The following BAIAP2L1 variants were observed in gnomAD, a reference collection of about 807,000 sequenced individuals.
BAIAP2L1 encodes BAR/IMD domain containing adaptor protein 2 like 1.
A neutral mutation model predicts 66.3 loss-of-function variants in BAIAP2L1; 35 were observed. The observed-to-expected ratio is 0.53, with a 90% CI of 0.40 to 0.70. The LOEUF is 0.70. Ranked by LOEUF, BAIAP2L1 falls within the 30% of genes least tolerant of loss-of-function variation. The probability of loss-of-function intolerance (pLI) is 0.00; values close to 1 mark genes in which losing one functional copy is unlikely to be tolerated. For missense variants in BAIAP2L1, 622 were observed against 656.9 expected, an observed-to-expected ratio of 0.95 and a Z score of 0.58; for synonymous variants, 269 against 248.7, an observed-to-expected ratio of 1.08 and a Z score of -0.77.
At chr7:98,349,199 A>C (rs1342822532) in intron 3 of BAIAP2L1, among the ~76,000 whole-genome samples, 5 of 152,214 alleles carry the variant, frequency 3.3e-5, no homozygotes, top group African/African-American at 1.2e-4. Context: ...CTTAGGGCCT[A>C]TCAGCCACCC....
At chr7:98,343,881 G>A (rs902898356) in intron 3 of BAIAP2L1, among the ~76,000 whole-genome samples, 9 of 152,142 alleles carry the variant, frequency 5.9e-5, no homozygotes, top group Admixed American at 2.6e-4. Flanking sequence ...GCACAGCTGT[G>A]TTCCAATAAA....
chr7:98,330,724 T>C (rs1801477150), intron 3 of BAIAP2L1, among the ~76,000 whole-genome samples: 1 of 152,170 alleles, frequency 6.6e-6, no homozygotes, highest in Admixed American at 6.5e-5. Context: ...GGTACCAGCA[T>C]CTGCTTGGCT....
At chr7:98,335,121 C>T (rs1324716470) in intron 3 of BAIAP2L1, among the ~76,000 whole-genome samples, 1 of 141,544 alleles carries the variant, frequency 7.1e-6, no homozygotes, top group African/African-American at 2.7e-5. Context: ...CCACTGCACT[C>T]CAGCCTGGGT....
At chr7:98,347,313 C>CT (rs1801893779) in intron 3 of BAIAP2L1, among the ~76,000 whole-genome samples, 1 of 152,104 alleles carries the variant, frequency 6.6e-6, no homozygotes, top group African/African-American at 2.4e-5. Flanking sequence ...ACATTTATAA[C>CT]TGACAGTGAG....
chr7:98,325,927 T>C (rs1410482748), intron 3 of BAIAP2L1, among the ~76,000 whole-genome samples: 2 of 152,206 alleles, frequency 1.3e-5, no homozygotes, highest in East Asian at 1.9e-4. Context: ...TCGGTCAGCA[T>C]CTGAGAACCT....
rs551848678 is a variant in BAIAP2L1, at chr7:98,317,167, CTG to C, written c.486+50_486+51del. ...CGCACCCGGCTAACCTCCTCTTAAA[CTG>C]TGCAAATTGTCAACAACAAAAGAAA... is the stretch of plus-strand genomic sequence containing the variant. On this transcript the variant is annotated intron_variant, in intron 6 of 13. Transcript: ENST00000005260. The C allele has an allele frequency of 1.1e-3, 1,806 of 1,612,114 alleles. 43 individuals are homozygous for C. In the South Asian group the frequency reaches 0.019, roughly 17 times the overall value.
chr7:98,305,992 G>C (rs899256832), intron 11 of BAIAP2L1, among the ~76,000 whole-genome samples: 1 of 152,154 alleles, frequency 6.6e-6, no homozygotes, highest in African/African-American at 2.4e-5. Flanking sequence ...TTTAATTGAT[G>C]GGCAGAAGAG....
At chr7:98,298,652 C>T (rs1800291014) in intron 12 of BAIAP2L1, among the ~76,000 whole-genome samples, 1 of 152,094 alleles carries the variant, frequency 6.6e-6, no homozygotes, top group Admixed American at 6.5e-5. Flanking sequence ...TTTCCCAGCT[C>T]TCATGGATCC....
intron 3 of BAIAP2L1, among the ~76,000 whole-genome samples, chr7:98,342,973 C>CTTTATCACGTGTGATAAAGGATTTAA (rs1562777466): frequency 8.0e-4 from 121 of 151,960 alleles, no homozygotes; most frequent in African/African-American, 2.5e-3. Flanking sequence ...GAAGGATTAA[C>CTTTATCACGTGTGATAAAGGATTTAA]CTTTATCACG....
intron 1 of BAIAP2L1, among the ~76,000 whole-genome samples, chr7:98,397,925 T>C (rs909017393): frequency 1.3e-5 from 2 of 152,170 alleles, no homozygotes; most frequent in Admixed American, 1.3e-4. Context: ...CCCATAATCA[T>C]TTGCCTACGT....
chr7:98,359,089 A>G lies in BAIAP2L1; in HGVS notation c.127+3268T>C, dbSNP rs11974979. On this transcript the variant is annotated intron_variant, in intron 2 of 13. Transcript: ENST00000005260. ...GGCTGCATCCAGCCCACAGCCCCAC[A>G]CGGGCCGCAGAAGACTGCAGGTGCA... Among the ~76,000 whole-genome samples the G allele has an allele frequency of 8.7e-3, 1,322 of 152,236 alleles. 19 individuals are homozygous for G. The highest frequency in any genetic ancestry group is 0.03 in the African/African-American group (1,258 of 41,568).
At chr7:98,386,453 A>G (rs1229486908) in intron 1 of BAIAP2L1, 2 of 1,597,200 alleles carry the variant, frequency 1.3e-6, no homozygotes, top group Non-Finnish European at 8.5e-7. Flanking sequence ...GCGTCTTTCC[A>G]ATATTTCTTA....
intron 2 of BAIAP2L1, among the ~76,000 whole-genome samples, chr7:98,359,113 C>T (rs1278059109): frequency 3.3e-5 from 5 of 152,194 alleles, no homozygotes; most frequent in Admixed American, 2.0e-4. Context: ...ACTGCAGGTG[C>T]AGGAGTGAGC....
chr7:98,301,072 G>A lies in BAIAP2L1; in HGVS notation c.1422+3124C>T, dbSNP rs56199538. 6.6e-5 allele frequency among the ~76,000 whole-genome samples: 10 copies of A among 152,202 alleles called. No homozygotes were observed. In the East Asian group the frequency reaches 1.4e-3, roughly 21 times the overall value. Reference sequence around the variant, plus strand: ...GGCTCTAGGCCGCCCAGTAGAGGCCGGCTGGATGAATGCTGATGGGACGGT... The same window carrying A: ...GGCTCTAGGCCGCCCAGTAGAGGCCAGCTGGATGAATGCTGATGGGACGGT... On this transcript the variant is annotated intron_variant, in intron 12 of 13. Transcript: ENST00000005260.
At chr7:98,315,355 C>T in intron 7 of BAIAP2L1, 105 bp downstream of exon 7, 1 of 1,158,152 alleles carries the variant, frequency 8.6e-7, no homozygotes, top group African/African-American at 1.6e-5. Context: ...CTCAGCCTCC[C>T]AAAGTGCTGG....
intron 1 of BAIAP2L1, among the ~76,000 whole-genome samples, chr7:98,375,086 CA>C (rs1328432497): frequency 6.7e-6 from 1 of 148,756 alleles, no homozygotes; most frequent in Non-Finnish European, 1.5e-5. Context: ...GACCCTGTCT[CA>C]AAAAAAACAA....
chr7:98,382,898 T>C (rs1348587053), intron 1 of BAIAP2L1, among the ~76,000 whole-genome samples: 1 of 152,172 alleles, frequency 6.6e-6, no homozygotes, highest in African/African-American at 2.4e-5. Flanking sequence ...GTATCCACGT[T>C]TGCTTTGTTC....
chr7:98,350,252 G>A (rs935553607), intron 3 of BAIAP2L1, among the ~76,000 whole-genome samples: 3 of 152,090 alleles, frequency 2.0e-5, no homozygotes, highest in African/African-American at 7.2e-5. Flanking sequence ...TCAACCACGA[G>A]TCAGTGGCTG....
intron 2 of BAIAP2L1, among the ~76,000 whole-genome samples, chr7:98,355,873 T>G (rs1481524288): frequency 6.6e-6 from 1 of 152,210 alleles, no homozygotes; most frequent in Non-Finnish European, 1.5e-5. Context: ...TTGATGGCAG[T>G]GCTTAATTTT....
Sources: allele counts gnomAD v4.1 joint callset (sites outside exome capture counted in the v4.1 genomes callset), GRCh38; gene constraint gnomAD v4.1.1; transcripts MANE v1.5; gene names NCBI Gene and HGNC (gene_info 2026-07-23, HGNC 2026-07-21).